Variants in NUP210L observed in about 807,000 individuals in gnomAD.
NUP210L encodes nuclear pore membrane glycoprotein 210-like.
A neutral mutation model predicts 208.5 loss-of-function variants in NUP210L; 74 were observed. That is an observed-to-expected ratio of 0.35 (90% CI 0.29 to 0.43). NUP210L has a LOEUF of 0.43. Among genes scored for constraint, NUP210L ranks in the 20% least tolerant of loss-of-function variants. The pLI, the probability that NUP210L is intolerant of heterozygous loss-of-function variation, is 1.00. For synonymous variants in NUP210L, 780 were observed against 816.9 expected (o/e 0.95, Z 0.77); for missense variants, 1,843 against 2,289.4 (o/e 0.81, Z 3.98).
At chr1:154,100,027 C>T (rs1656380652) in exon 14 of NUP210L, 2 of 1,614,150 alleles carry the variant, frequency 1.2e-6, no homozygotes, top group Non-Finnish European at 1.7e-6. Context: ...GCAAATGTAG[C>T]ACTGCTCTCC....
At chr1:154,139,897 C>G (rs191803458) in exon 5 of NUP210L, 41 of 1,611,774 alleles carry the variant, frequency 2.5e-5, no homozygotes, top group Admixed American at 1.5e-4. Flanking sequence ...TCCTCTTTTT[C>G]CATCTCAGCT....
chr1:154,149,102 T>G (rs1659260186), intron 2 of NUP210L, among the ~76,000 whole-genome samples: 1 of 150,532 alleles, frequency 6.6e-6, no homozygotes, highest in Non-Finnish European at 1.5e-5. Context: ...TTTTTTTTCC[T>G]GAGAAGGAGT....
At chr1:154,040,833 C>T (rs980587554) in intron 27 of NUP210L, among the ~76,000 whole-genome samples, 23 of 152,154 alleles carry the variant, frequency 1.5e-4, no homozygotes, top group Non-Finnish European at 1.0e-4. Context: ...CCTCGTGATC[C>T]GCCCGCCTCG....
In NUP210L at chr1:154,149,805, A is replaced by G. The variant is rs143992502; in HGVS notation, c.340+2931T>C. On this transcript the variant is annotated intron_variant, in intron 2 of 39. Transcript: ENST00000368559. ...GAGAAATATCAAACATTTAACTTTT[A>G]AAGTGAAGAGAATACAACTTTATTA... is the stretch of plus-strand genomic sequence containing the variant. 3.0e-3 allele frequency among the ~76,000 whole-genome samples: 463 copies of G among 152,392 alleles called. 2 individuals are homozygous for G. Among genetic ancestry groups the G allele is most frequent in the African/African-American group, 0.011 (439 of 41,594 alleles).
rs2147979628 is a variant in NUP210L, at chr1:154,051,275, T to A, written c.3483+2953A>T. Reference sequence around the variant, plus strand: ...CCCAGGCTGGAGTGCAGTGGCGTGATCTTGGCTCACTGTAAGCTCTGCCTC... The same window carrying A: ...CCCAGGCTGGAGTGCAGTGGCGTGAACTTGGCTCACTGTAAGCTCTGCCTC... On this transcript the variant is annotated intron_variant, in intron 25 of 39. Transcript: ENST00000368559. Among the ~76,000 whole-genome samples the A allele has an allele frequency of 2.0e-5, 3 of 152,220 alleles. 1 individual carries two copies. The South Asian group carries it at 6.2e-4, about 32-fold the overall frequency.
At chr1:154,055,133 T>TTTCTTTCTTTTCTCTC (rs760970628) in intron 23 of NUP210L, among the ~76,000 whole-genome samples, 1 of 68,628 alleles carries the variant, frequency 1.5e-5, no homozygotes. Context: ...TTTTCTTTCT[T>TTTCTTTCTTTTCTCTC]TCTTTCTTTC....
At chr1:154,071,973 C>CGT (rs1491124934) in intron 16 of NUP210L, among the ~76,000 whole-genome samples, 7 of 134,760 alleles carry the variant, frequency 5.2e-5, no homozygotes, top group African/African-American at 1.8e-4. Context: ...AGTATTCCAT[C>CGT]GCGTGTGTGT....
chr1:153,993,417 T>C (rs1649600747), intron 38 of NUP210L, among the ~76,000 whole-genome samples: 1 of 151,934 alleles, frequency 6.6e-6, no homozygotes, highest in African/African-American at 2.4e-5. Flanking sequence ...ATATAAAAAA[T>C]TAGCTGGGCG....
At chr1:154,104,033 C>T in exon 13 of NUP210L, 5 of 1,613,748 alleles carry the variant, frequency 3.1e-6, no homozygotes, top group Non-Finnish European at 4.2e-6. Context: ...AGAGTAAAGA[C>T]TCCTTGTTTA....
intron 37 of NUP210L, among the ~76,000 whole-genome samples, chr1:153,998,085 T>G (rs1650005182): frequency 6.6e-6 from 1 of 152,098 alleles, no homozygotes; most frequent in African/African-American, 2.4e-5. Flanking sequence ...TTCTTTTTTT[T>G]CTCTATACAT....
chr1:154,059,146 G>A (rs985965652), intron 20 of NUP210L, among the ~76,000 whole-genome samples: 4 of 152,106 alleles, frequency 2.6e-5, no homozygotes, highest in Non-Finnish European at 5.9e-5. Flanking sequence ...ACAAGCCTGG[G>A]CAACATGGTG....
rs1445234423 is a variant in NUP210L, at chr1:154,058,209, ATTTC to A, written c.2983_2986del (p.Glu995Ter). ...CACAGTCACTAACACAGTTTTGTCTATTTCAACCTAGTAGTTAAAAAGAAAAAGA... is the reference window on the plus strand; with the variant it reads ...CACAGTCACTAACACAGTTTTGTCTAAACCTAGTAGTTAAAAAGAAAAAGA... On this transcript the variant is annotated frameshift_variant, in exon 22 of 40. Coordinates refer to ENST00000368559, the Ensembl canonical transcript of NUP210L. LOFTEE classifies it high-confidence loss of function. 2.3e-5 allele frequency: 37 copies of A among 1,613,890 alleles called. No individual in the cohort carries two copies. Among genetic ancestry groups the A allele is most frequent in the Non-Finnish European group, 3.1e-5 (36 of 1,179,936 alleles).
chr1:154,142,241 C>A (rs1658886709), intron 3 of NUP210L, among the ~76,000 whole-genome samples: 1 of 151,344 alleles, frequency 6.6e-6, no homozygotes, highest in Non-Finnish European at 1.5e-5. Flanking sequence ...AAGAAAGTGG[C>A]AATACATTAT....
chr1:154,132,668 A>T (rs1658317562), intron 7 of NUP210L, among the ~76,000 whole-genome samples: 1 of 152,212 alleles, frequency 6.6e-6, no homozygotes, highest in Non-Finnish European at 1.5e-5. Context: ...AAAAAAGAAC[A>T]TTTAAGTTCA....
intron 12 of NUP210L, among the ~76,000 whole-genome samples, chr1:154,111,882 C>T (rs953801058): frequency 6.6e-6 from 1 of 151,514 alleles, no homozygotes; most frequent in African/African-American, 2.4e-5. Flanking sequence ...GATGGAAAAA[C>T]TCTTGACAAA....
chr1:153,994,666 T>A (rs1260831479), intron 38 of NUP210L, among the ~76,000 whole-genome samples: 1 of 151,984 alleles, frequency 6.6e-6, no homozygotes, highest in Non-Finnish European at 1.5e-5. Context: ...TAGTTTACAC[T>A]GTTTGTTAAA....
At chr1:154,141,628 C>A in intron 3 of NUP210L, 104 bp from the exon 4 acceptor site, 1 of 692,736 alleles carries the variant, frequency 1.4e-6, no homozygotes, top group South Asian at 1.7e-5. Flanking sequence ...ACTTTGAAGC[C>A]TCTTTCATTA....
chr1:154,010,443 G>C (rs1650842337), intron 34 of NUP210L, among the ~76,000 whole-genome samples: 1 of 151,938 alleles, frequency 6.6e-6, no homozygotes, highest in South Asian at 2.1e-4. Flanking sequence ...GTGTGATTTT[G>C]GCTCACTGCA....
intron 38 of NUP210L, among the ~76,000 whole-genome samples, chr1:153,994,326 T>A (rs1284715199): frequency 2.0e-5 from 3 of 152,176 alleles, no homozygotes; most frequent in Non-Finnish European, 4.4e-5. Flanking sequence ...GAGGACCTTT[T>A]TTTTTTGAAA....
Sources: gnomAD v4.1 joint callset for allele counts (sites outside exome capture counted in the v4.1 genomes callset) on GRCh38, gnomAD v4.1.1 for gene constraint, MANE v1.5 for transcripts, NCBI Gene and HGNC (gene_info 2026-07-23, HGNC 2026-07-21) for gene names.